The following COX7B2 variants were observed in gnomAD, a reference collection of about 807,000 sequenced individuals.
COX7B2 encodes cytochrome c oxidase subunit 7B2.
For missense variants in COX7B2, 109 were observed against 95.9 expected (o/e 1.14, Z -0.57); for synonymous variants, 37 against 32.1 (o/e 1.15, Z -0.51).
At chr4:46,785,714 A>G (rs1233090342) in intron 2 of COX7B2, among the ~76,000 whole-genome samples, 1 of 152,198 alleles carries the variant, frequency 6.6e-6, no homozygotes, top group Non-Finnish European at 1.5e-5. Flanking sequence ...GGACAAGGAT[A>G]AAAGAAAGCC....
intron 2 of COX7B2, among the ~76,000 whole-genome samples, chr4:46,838,783 A>C (rs1010362874): frequency 5.3e-5 from 8 of 152,206 alleles, no homozygotes; most frequent in Middle Eastern, 3.4e-3. Context: ...TAATGTGCTT[A>C]AATTTCCTTC....
chr4:46,779,977 A>G (rs897291701), intron 2 of COX7B2, among the ~76,000 whole-genome samples: 1 of 152,242 alleles, frequency 6.6e-6, no homozygotes, highest in East Asian at 1.9e-4. Context: ...TTAGATAACT[A>G]TGTGAGACCA....
intron 2 of COX7B2, among the ~76,000 whole-genome samples, chr4:46,835,915 T>A (rs1715485530): frequency 6.6e-6 from 1 of 152,206 alleles, no homozygotes; most frequent in African/African-American, 2.4e-5. Flanking sequence ...CTTTGCAGAA[T>A]ACTGTGGGCA....
chr4:46,848,929 C>G (rs1275155402), intron 1 of COX7B2, among the ~76,000 whole-genome samples: 1 of 151,942 alleles, frequency 6.6e-6, no homozygotes, highest in Non-Finnish European at 1.5e-5. Flanking sequence ...TTCACATGCT[C>G]CTGTATACTT....
chr4:46,799,244 G>C (rs565041082), intron 2 of COX7B2, among the ~76,000 whole-genome samples: 1 of 152,056 alleles, frequency 6.6e-6, no homozygotes, highest in East Asian at 1.9e-4. Context: ...TTGTTTATCC[G>C]ATCTAGGAGG....
At chr4:46,829,591 A>G (rs1577622321) in intron 2 of COX7B2, among the ~76,000 whole-genome samples, 2 of 152,204 alleles carry the variant, frequency 1.3e-5, no homozygotes, top group African/African-American at 4.8e-5. Context: ...ATGACACTCC[A>G]TCTGATGGCA....
chr4:46,772,692 A>G (rs1716942515), intron 2 of COX7B2, among the ~76,000 whole-genome samples: 1 of 152,164 alleles, frequency 6.6e-6, no homozygotes, highest in African/African-American at 2.4e-5. Flanking sequence ...GTTGCAATCT[A>G]GTACCTGATT....
chr4:46,878,102 C>T lies in COX7B2; in HGVS notation c.-105+31058G>A, dbSNP rs112209689. Among the ~76,000 whole-genome samples the T allele has an allele frequency of 7.3e-4, 111 of 151,898 alleles. 1 individual carries two copies. Among genetic ancestry groups the T allele is most frequent in the African/African-American group, 2.6e-3 (107 of 41,454 alleles). On this transcript the variant is annotated intron_variant, in intron 1 of 2. Transcript: ENST00000355591. ...TAACTGCCATTTTCTATGACATGAA[C>T]GTTCCTGGAGGACGTTATGCTAAGT...
Position 46,766,517 on chromosome 4 carries a change from T to C in COX7B2, c.-49-31276A>G, listed in dbSNP as rs185556185. 3.7e-3 allele frequency among the ~76,000 whole-genome samples: 570 copies of C among 152,000 alleles called. 5 individuals are homozygous for C. Among genetic ancestry groups the C allele is most frequent in the African/African-American group, 0.013 (553 of 41,478 alleles). ...GAGTTTGAGACCAGCCTGGCTAACA[T>C]GGTGAAATTCCATCTCTACTAAAAA... On this transcript the variant is annotated intron_variant, in intron 2 of 2. Transcript: ENST00000355591.
chr4:46,745,213 C>A (rs892344581), intron 2 of COX7B2, among the ~76,000 whole-genome samples: 7 of 152,188 alleles, frequency 4.6e-5, no homozygotes, highest in Admixed American at 2.0e-4. Context: ...CTTGCTTCTG[C>A]AAACTCCAGA....
At chr4:46,757,573 T>C (rs1715878544) in intron 2 of COX7B2, among the ~76,000 whole-genome samples, 2 of 152,112 alleles carry the variant, frequency 1.3e-5, no homozygotes, top group Admixed American at 6.6e-5. Flanking sequence ...TTCTACAAAA[T>C]CTTATCTTCC....
intron 2 of COX7B2, among the ~76,000 whole-genome samples, chr4:46,751,383 T>C (rs898967751): frequency 6.6e-6 from 1 of 152,198 alleles, no homozygotes; most frequent in African/African-American, 2.4e-5. Flanking sequence ...ATGTCTACTT[T>C]TATATCCACT....
chr4:46,802,996 A>T (rs1718739211), intron 2 of COX7B2, among the ~76,000 whole-genome samples: 1 of 152,210 alleles, frequency 6.6e-6, no homozygotes, highest in African/African-American at 2.4e-5. Context: ...AATTACCATT[A>T]GGGGATCCTG....
At chr4:46,819,618 C>T (rs1433397945) in intron 2 of COX7B2, among the ~76,000 whole-genome samples, 1 of 151,620 alleles carries the variant, frequency 6.6e-6, no homozygotes, top group Admixed American at 6.6e-5. Context: ...TGGTGGGCCA[C>T]ATTCAAAGCT....
chr4:46,894,859 A>G (rs1400179775), intron 1 of COX7B2, among the ~76,000 whole-genome samples: 1 of 152,222 alleles, frequency 6.6e-6, no homozygotes, highest in African/African-American at 2.4e-5. Flanking sequence ...ACATACATGC[A>G]TCCAAGAAGT....
chr4:46,799,502 T>C (rs1408709630), intron 2 of COX7B2, among the ~76,000 whole-genome samples: 1 of 152,204 alleles, frequency 6.6e-6, no homozygotes, highest in Non-Finnish European at 1.5e-5. Context: ...TTGTCACAGA[T>C]AGCTCTTATT....
intron 1 of COX7B2, among the ~76,000 whole-genome samples, chr4:46,855,459 C>A (rs1716951881): frequency 6.6e-6 from 1 of 151,092 alleles, no homozygotes; most frequent in Non-Finnish European, 1.5e-5. Context: ...AATACTTATT[C>A]CTGATTTAAA....
chr4:46,734,860 A>C lies in COX7B2; in HGVS notation c.*87T>G, dbSNP rs141223274. ...GATTTAAAACACATTTTATTTTTTC[A>C]ATTGTGCTATATTTTAATAAGCAGT... On this transcript the variant is annotated 3_prime_UTR_variant, in exon 3 of 3. Coordinates refer to ENST00000355591, the MANE Select transcript of COX7B2 (RefSeq NM_130902.3). 398 of 1,441,584 alleles carry C rather than the reference A, an allele frequency of 2.8e-4. 1 individual carries two copies. The African/African-American group carries it at 4.9e-3, about 18-fold the overall frequency. 89.3% of individuals were successfully genotyped at this position (1,441,584 alleles called of 1,614,324 possible).
chr4:46,755,185 A>T (rs1220578465), intron 2 of COX7B2, among the ~76,000 whole-genome samples: 1 of 151,936 alleles, frequency 6.6e-6, no homozygotes, highest in Non-Finnish European at 1.5e-5. Context: ...AAGGACAAAA[A>T]CCACATGATC....
Sources: gnomAD v4.1 joint callset for allele counts (sites outside exome capture counted in the v4.1 genomes callset) on GRCh38, gnomAD v4.1.1 for gene constraint, MANE v1.5 for transcripts, NCBI Gene and HGNC (gene_info 2026-07-23, HGNC 2026-07-21) for gene names.